ARHGEF38: variants seen among roughly 807,000 people sequenced by gnomAD.
The protein encoded by ARHGEF38 is Rho guanine nucleotide exchange factor 38.
A neutral mutation model predicts 79.9 loss-of-function variants in ARHGEF38; 79 were observed. The observed-to-expected ratio is 0.99, with a 90% CI of 0.82 to 1.19. The LOEUF is 1.19. Ranked by LOEUF, ARHGEF38 falls within the 50% of genes most tolerant of loss-of-function variation. ARHGEF38 has a pLI of 0.00. For missense variants in ARHGEF38, 962 were observed against 907.2 expected, an observed-to-expected ratio of 1.06 and a Z score of -0.78; for synonymous variants, 366 against 328.3, an observed-to-expected ratio of 1.11 and a Z score of -1.24.
chr4:105,560,833 C>CT (rs1725482786), intron 1 of ARHGEF38, among the ~76,000 whole-genome samples: 1 of 152,144 alleles, frequency 6.6e-6, no homozygotes, highest in Admixed American at 6.5e-5. Context: ...CTGAATGCTT[C>CT]TTAATGTTAG....
intron 2 of ARHGEF38, among the ~76,000 whole-genome samples, chr4:105,590,235 G>A (rs1458885044): frequency 1.3e-5 from 2 of 152,116 alleles, no homozygotes; most frequent in Non-Finnish European, 2.9e-5. Flanking sequence ...TTCCAGTGGA[G>A]GACATTGAGC....
At chr4:105,618,731 G>T (rs1728617185) in intron 3 of ARHGEF38, among the ~76,000 whole-genome samples, 1 of 152,220 alleles carries the variant, frequency 6.6e-6, no homozygotes, top group Admixed American at 6.5e-5. Flanking sequence ...GTGGGTGAAA[G>T]TTAGAGGAGA....
chr4:105,669,755 T>A (rs1350676092), intron 13 of ARHGEF38, among the ~76,000 whole-genome samples: 1 of 152,146 alleles, frequency 6.6e-6, no homozygotes, highest in African/African-American at 2.4e-5. Flanking sequence ...AAAACATTTC[T>A]TTCACTCCAA....
chr4:105,591,121 A>G (rs1412489033), intron 2 of ARHGEF38, among the ~76,000 whole-genome samples: 2 of 151,838 alleles, frequency 1.3e-5, no homozygotes, highest in African/African-American at 4.8e-5. Context: ...ACATATTTTA[A>G]TATTACCCAT....
chr4:105,652,104 C>T lies in ARHGEF38; in HGVS notation c.1009-1961C>T, dbSNP rs193184195. ...TTGGGAAATGTAGTCTCTAGCAGGG[C>T]AGCCAAGTGTCCAACTTGAAATAGA... On this transcript the variant is annotated intron_variant, in intron 7 of 13. Transcript: ENST00000420470. Among the ~76,000 whole-genome samples, 758 of 152,282 alleles carry T rather than the reference C, an allele frequency of 5.0e-3. 7 individuals are homozygous for T. The highest frequency in any genetic ancestry group is 0.017 in the African/African-American group (707 of 41,558).
At chr4:105,631,767 T>C in intron 4 of ARHGEF38, 1 of 770,796 alleles carries the variant, frequency 1.3e-6, no homozygotes, top group Non-Finnish European at 1.6e-6. Flanking sequence ...TTGATTCTTT[T>C]AAATGGAATT....
At chr4:105,666,633 T>G (rs976385178) in intron 11 of ARHGEF38, among the ~76,000 whole-genome samples, 5 of 152,270 alleles carry the variant, frequency 3.3e-5, no homozygotes, top group African/African-American at 1.2e-4. Flanking sequence ...AGTCCAGACA[T>G]TTCCTTTTCT....
At chr4:105,605,557 T>A (rs1299654885) in intron 2 of ARHGEF38, among the ~76,000 whole-genome samples, 1 of 152,178 alleles carries the variant, frequency 6.6e-6, no homozygotes, top group Non-Finnish European at 1.5e-5. Flanking sequence ...CAAGATTAGT[T>A]AAAAGACTTG....
intron 1 of ARHGEF38, among the ~76,000 whole-genome samples, chr4:105,580,143 T>C (rs1026942317): frequency 6.6e-6 from 1 of 152,156 alleles, no homozygotes; most frequent in Admixed American, 6.5e-5. Context: ...TAGCAGTCTA[T>C]CTTATTAATT....
chr4:105,554,129 G>A (rs1186741860), intron 1 of ARHGEF38, among the ~76,000 whole-genome samples: 1 of 151,844 alleles, frequency 6.6e-6, no homozygotes, highest in Non-Finnish European at 1.5e-5. Flanking sequence ...TAAAATGAGG[G>A]AGAGCATTGT....
chr4:105,623,144 T>C (rs1165824955), intron 3 of ARHGEF38, among the ~76,000 whole-genome samples: 2 of 152,234 alleles, frequency 1.3e-5, no homozygotes, highest in Non-Finnish European at 2.9e-5. Flanking sequence ...GAAGGAATTC[T>C]TGTCTGTTTT....
At position 105,636,197 on chromosome 4, in the gene ARHGEF38, G is replaced by A. The variant is rs1040607504; in HGVS notation, c.657-206G>A. On this transcript the variant is annotated intron_variant, in intron 4 of 13. Coordinates refer to ENST00000420470, the MANE Select transcript of ARHGEF38 (RefSeq NM_001242729.2). ...CAGGATATTATTTTATTTATCCATA[G>A]CCACTTGAGGCTTTTAGATAAAAAC... 6.6e-5 allele frequency among the ~76,000 whole-genome samples: 10 copies of A among 151,996 alleles called. No individual in the cohort carries two copies. The East Asian group carries it at 1.9e-3, about 29-fold the overall frequency.
chr4:105,567,993 T>C (rs1726022550), intron 1 of ARHGEF38, among the ~76,000 whole-genome samples: 1 of 137,546 alleles, frequency 7.3e-6, no homozygotes, highest in South Asian at 2.4e-4. Context: ...CCATGTGATC[T>C]CATTGTTCAA....
chr4:105,561,400 T>TAGAATAGAATAGAATGG (rs59437354), intron 1 of ARHGEF38, among the ~76,000 whole-genome samples: 2,367 of 30,600 alleles, frequency 0.077, 447 homozygotes, highest in Non-Finnish European at 0.1. Flanking sequence ...TAGAGTAGAA[T>TAGAATAGAATAGAATGG]AATAGAATAG....
chr4:105,604,813 C>T (rs1464453558), intron 2 of ARHGEF38, among the ~76,000 whole-genome samples: 2 of 152,056 alleles, frequency 1.3e-5, no homozygotes, highest in Non-Finnish European at 2.9e-5. Flanking sequence ...AATGTTTACC[C>T]CATTCATCAT....
At chr4:105,586,776 A>G (rs975223563) in intron 1 of ARHGEF38, among the ~76,000 whole-genome samples, 4 of 152,178 alleles carry the variant, frequency 2.6e-5, no homozygotes, top group African/African-American at 9.7e-5. Flanking sequence ...TCAAGGAAAC[A>G]TTAAGTGATA....
rs139274936 is a variant in ARHGEF38 at position 105,589,573 on chromosome 4, G to A, written c.384+138G>A. 756 of 764,774 alleles carry A rather than the reference G, an allele frequency of 9.9e-4. 3 individuals are homozygous for A. The highest frequency in any genetic ancestry group is 2.3e-3 in the Admixed American group (75 of 33,258). The allele number at this position is 764,774 out of a possible 1,614,324, so 47.4% of individuals were successfully genotyped here. A position where few individuals can be genotyped will look rare whatever the true frequency, so the allele number is the denominator to read the frequency against. On this transcript the variant is annotated intron_variant, in intron 2 of 13. Transcript: ENST00000420470. ...AAACAGCACTGTTCTCAGCTCTGGG[G>A]TTACAGTTTAGTACAAAACAAAGTC...
At position 105,557,419 on chromosome 4, in the gene ARHGEF38, A is replaced by G. The variant is rs1445563048; in HGVS notation, c.196+4458A>G. The stretch of plus-strand genomic sequence containing the variant: ...AGTCTTTTCTGAAAACCATATATGA[A>G]TTATATCACTGACATTATAGGTTTC... On this transcript the variant is annotated intron_variant, in intron 1 of 13. Coordinates refer to ENST00000420470, the MANE Select transcript of ARHGEF38 (RefSeq NM_001242729.2). 3.3e-5 allele frequency among the ~76,000 whole-genome samples: 5 copies of G among 152,188 alleles called. No homozygotes were observed. The East Asian group carries it at 9.7e-4, about 29-fold the overall frequency.
At chr4:105,646,813 C>T (rs1008174848) in intron 6 of ARHGEF38, among the ~76,000 whole-genome samples, 2 of 147,940 alleles carry the variant, frequency 1.4e-5, no homozygotes, top group African/African-American at 5.2e-5. Context: ...GGGTTAATCT[C>T]AAAAACACAA....
Sources: allele counts gnomAD v4.1 joint callset (sites outside exome capture counted in the v4.1 genomes callset), GRCh38; gene constraint gnomAD v4.1.1; transcripts MANE v1.5; gene names NCBI Gene and HGNC (gene_info 2026-07-23, HGNC 2026-07-21).